APPL2: variants seen among roughly 807,000 people sequenced by gnomAD.
The protein encoded by APPL2 is adaptor protein, phosphotyrosine interacting with PH domain and leucine zipper 2.
In APPL2, 84 loss-of-function variants were observed where a neutral mutation model predicts 92.7. That is an observed-to-expected ratio of 0.91 (90% CI 0.76 to 1.09). The LOEUF is 1.09. Among genes scored for constraint, APPL2 ranks in the 50% least tolerant of loss-of-function variants. The probability of loss-of-function intolerance (pLI) is 0.00; values close to 1 mark genes in which losing one functional copy is unlikely to be tolerated. For synonymous variants in APPL2, 291 were observed against 291.0 expected (o/e 1.00, Z 0.00); for missense variants, 736 against 824.5 (o/e 0.89, Z 1.31).
chr12:105,198,152 G>C (rs1372395850), intron 10 of APPL2, among the ~76,000 whole-genome samples, 199 bp from the exon 11 acceptor site: 1 of 152,170 alleles, frequency 6.6e-6, no homozygotes. Flanking sequence ...GAGATCATGG[G>C]CTCTGCTTCC....
chr12:105,229,937 C>T (rs1566103070), intron 1 of APPL2: 1 of 176,520 alleles, frequency 5.7e-6, no homozygotes, highest in Admixed American at 6.5e-5. Context: ...CACCACCACA[C>T]CTGGCTAATT....
At chr12:105,181,017 A>T (rs1485813046) in intron 17 of APPL2, among the ~76,000 whole-genome samples, 1 of 152,178 alleles carries the variant, frequency 6.6e-6, no homozygotes, top group Non-Finnish European at 1.5e-5. Flanking sequence ...GAGTGGTGAG[A>T]GAGGGCATCC....
chr12:105,176,228 T>TAGGG (rs1212669446), intron 19 of APPL2, 146 bp from the exon 20 acceptor site: 1 of 669,566 alleles, frequency 1.5e-6, no homozygotes, highest in Non-Finnish European at 2.5e-6. Context: ...ACTCATCACA[T>TAGGG]AGGGCCCGGG....
chr12:105,233,129 A>G (rs1196779), intron 1 of APPL2: 573,665 of 985,218 alleles, frequency 0.58, 168,685 homozygotes, highest in African/African-American at 0.78. Context: ...TACAAGCTGC[A>G]GGAGCTCAAA....
chr12:105,211,266 G>T lies in APPL2; in HGVS notation c.337C>A (p.Leu113Ile). ...LAKQLADTMV[L>I]PIIQFREKDL... ...TTTTCTCGGAATTGTATGATAGGTAGAACCATTGTGTCTGCCAACTGTTTA... is the reference window on the plus strand; with the variant it reads ...TTTTCTCGGAATTGTATGATAGGTATAACCATTGTGTCTGCCAACTGTTTA... The change falls in exon 5 of 21, where the codon CTA becomes ATA. Residue 113 changes from leucine (L) to isoleucine (I), a missense_variant. Physicochemically the swap from Leu to Ile is conservative, Grantham distance 5. Transcript: ENST00000258530. 6.2e-7 allele frequency: 1 copy of T among 1,613,994 alleles called. No homozygotes were observed. Among genetic ancestry groups the T allele is most frequent in the Non-Finnish European group, 8.5e-7 (1 of 1,179,872 alleles).
chr12:105,209,483 T>G (rs1889032944), intron 5 of APPL2, among the ~76,000 whole-genome samples: 1 of 152,226 alleles, frequency 6.6e-6, no homozygotes, highest in South Asian at 2.1e-4. Flanking sequence ...CCACTGTCAT[T>G]AATGCTGCTG....
chr12:105,231,368 C>T (rs1196205199), intron 1 of APPL2, among the ~76,000 whole-genome samples: 1 of 152,234 alleles, frequency 6.6e-6, no homozygotes, highest in Non-Finnish European at 1.5e-5. Context: ...TTACCACTTA[C>T]TCTGTACCAC....
intron 17 of APPL2, among the ~76,000 whole-genome samples, chr12:105,181,201 G>T (rs895001419): frequency 4.6e-5 from 7 of 152,186 alleles, no homozygotes; most frequent in African/African-American, 1.7e-4. Context: ...GGCCTTTTCT[G>T]CATCTATTGA....
chr12:105,206,362 C>T (rs1158540380), intron 8 of APPL2, among the ~76,000 whole-genome samples: 1 of 152,062 alleles, frequency 6.6e-6, no homozygotes, highest in Non-Finnish European at 1.5e-5. Flanking sequence ...TTCTCACGGG[C>T]CAAAGGATGG....
chr12:105,186,620 T>C (rs963312600), intron 17 of APPL2, among the ~76,000 whole-genome samples: 1 of 104,682 alleles, frequency 9.6e-6, no homozygotes, highest in Non-Finnish European at 1.8e-5. Flanking sequence ...ATATATCATA[T>C]ATATATCATA....
intron 1 of APPL2, among the ~76,000 whole-genome samples, chr12:105,234,235 T>C (rs1249285414): frequency 6.6e-6 from 1 of 152,224 alleles, no homozygotes; most frequent in Non-Finnish European, 1.5e-5. Flanking sequence ...TTATACACCA[T>C]GTAGATATGA....
intron 16 of APPL2, among the ~76,000 whole-genome samples, chr12:105,189,419 A>G (rs953983074): frequency 6.6e-6 from 1 of 152,226 alleles, no homozygotes; most frequent in African/African-American, 2.4e-5. Context: ...TCATCTTCAA[A>G]TTCAAGAACA....
chr12:105,223,551 G>T (rs1023827288), intron 2 of APPL2, among the ~76,000 whole-genome samples: 1 of 152,134 alleles, frequency 6.6e-6, no homozygotes, highest in African/African-American at 2.4e-5. Context: ...TGTTGCCCAT[G>T]GGCAGAGTGG....
At chr12:105,196,425 CTTTTTTTTTTT>C (rs59820038) in intron 11 of APPL2, among the ~76,000 whole-genome samples, 18 of 83,868 alleles carry the variant, frequency 2.1e-4, no homozygotes, top group East Asian at 9.6e-4. Context: ...GGCGTTAACT[CTTTTTTTTTTT>C]TTTTTTTTTT....
chr12:105,198,092 T>C, intron 10 of APPL2, 139 bp from the exon 11 acceptor site: 1 of 794,978 alleles, frequency 1.3e-6, no homozygotes, highest in Admixed American at 2.9e-5. Flanking sequence ...AAACTGCCCA[T>C]TCAAGTGGAA....
intron 1 of APPL2, among the ~76,000 whole-genome samples, chr12:105,232,777 A>G (rs1290609716): frequency 6.6e-6 from 1 of 151,696 alleles, no homozygotes; most frequent in Non-Finnish European, 1.5e-5. Context: ...AAAAAAAAAA[A>G]AAAAAAAAAG....
chr12:105,186,683 T>C (rs1425599282), intron 17 of APPL2, among the ~76,000 whole-genome samples: 11 of 39,168 alleles, frequency 2.8e-4, no homozygotes, highest in Non-Finnish European at 4.4e-4. Context: ...TGATATATCA[T>C]ATATATATCA....
At chr12:105,181,348 T>C (rs772257252) in intron 17 of APPL2, among the ~76,000 whole-genome samples, 1 of 152,208 alleles carries the variant, frequency 6.6e-6, no homozygotes, top group Non-Finnish European at 1.5e-5. Flanking sequence ...AATGTGCTGC[T>C]GGATTCAGTT....
intron 1 of APPL2, chr12:105,233,467 T>C: frequency 3.3e-6 from 3 of 909,862 alleles, no homozygotes; most frequent in Non-Finnish European, 3.9e-6. Context: ...TAAGGTCAGT[T>C]AACTGCTATT....
Sources: allele counts gnomAD v4.1 joint callset (sites outside exome capture counted in the v4.1 genomes callset), GRCh38; gene constraint gnomAD v4.1.1; transcripts MANE v1.5; gene names NCBI Gene and HGNC (gene_info 2026-07-23, HGNC 2026-07-21).